The following SLC44A2 variants were observed in gnomAD, a reference collection of about 807,000 sequenced individuals.
SLC44A2 encodes the protein choline transporter-like protein 2.
A neutral mutation model predicts 90.8 loss-of-function variants in SLC44A2; 57 were observed. The observed-to-expected ratio is 0.63, with a 90% confidence interval of 0.51 to 0.78. The LOEUF (loss-of-function observed/expected upper bound fraction) is 0.78, where lower values mean the gene tolerates loss of function less well. Ranked by LOEUF, SLC44A2 falls within the 30% of genes least tolerant of loss-of-function variation. The pLI, the probability that SLC44A2 is intolerant of heterozygous loss-of-function variation, is 0.00. For missense variants in SLC44A2, 794 were observed against 919.7 expected (o/e 0.86, Z 1.77); for synonymous variants, 355 against 360.7 (o/e 0.98, Z 0.18).
chr19:10,628,796 C>T (rs1201124748), intron 4 of SLC44A2, among the ~76,000 whole-genome samples: 3 of 152,078 alleles, frequency 2.0e-5, no homozygotes, highest in African/African-American at 4.8e-5. Context: ...GCTCTGTGAC[C>T]TAGGGCAGGT....
At chr19:10,633,451 C>T (rs545921679) in intron 10 of SLC44A2, among the ~76,000 whole-genome samples, 4 of 151,768 alleles carry the variant, frequency 2.6e-5, no homozygotes, top group African/African-American at 7.2e-5. Flanking sequence ...TGAGCCACCG[C>T]GCCCAGCCTT....
intron 17 of SLC44A2, 26 bp from the exon 18 acceptor site, chr19:10,637,830 G>T: frequency 6.2e-7 from 1 of 1,614,012 alleles, no homozygotes; most frequent in Non-Finnish European, 8.5e-7. Flanking sequence ...CAGTGGGTCT[G>T]ATCTCTCCCT....
Position 10,644,452 on chromosome 19 carries a change from G to C in SLC44A2, c.*1067G>C, listed in dbSNP as rs1018236603. Reference sequence around the variant, plus strand: ...TCCTGGCCCCAGGGGAAAGAGGGGGGGGTCTCCCGTTTCCTGTGCCTGCAC... The same window carrying C: ...TCCTGGCCCCAGGGGAAAGAGGGGGCGGTCTCCCGTTTCCTGTGCCTGCAC... On this transcript the variant is annotated 3_prime_UTR_variant, in exon 22 of 22. Transcript: ENST00000335757. The C allele has an allele frequency of 6.5e-6, 1 of 153,156 alleles. No homozygotes were observed. Among genetic ancestry groups the C allele is most frequent in the Non-Finnish European group, 1.5e-5 (1 of 68,676 alleles). 9.5% of individuals were successfully genotyped at this position (153,156 alleles called of 1,614,324 possible). A position where few individuals can be genotyped will look rare whatever the true frequency, so the allele number is the denominator to read the frequency against.
chr19:10,632,262 C>T (rs577096095), intron 10 of SLC44A2, 106 bp downstream of exon 10: 15 of 996,626 alleles, frequency 1.5e-5, no homozygotes, highest in African/African-American at 4.8e-5. Context: ...TCAGGCCGGG[C>T]GTGGTGGCTC....
Position 10,635,534 on chromosome 19 carries a change from G to A in SLC44A2, c.1233+19G>A. On this transcript the variant is annotated intron_variant, in intron 14 of 21. Transcript: ENST00000335757. ...CCCAGAGGTGGGCGTCCCCGGGGTG[G>A]GGAGGGCAGGTATTGCCCCAGCAGG... 3.7e-6 allele frequency: 6 copies of A among 1,606,800 alleles called. No individual in the cohort carries two copies. Among genetic ancestry groups the A allele is most frequent in the Non-Finnish European group, 5.1e-6 (6 of 1,176,792 alleles).
At chr19:10,626,447 C>T (rs1311206084) in intron 2 of SLC44A2, 146 bp downstream of exon 2, 7 of 673,282 alleles carry the variant, frequency 1.0e-5, no homozygotes, top group Non-Finnish European at 1.8e-5. Flanking sequence ...CTTGCTCTGT[C>T]ACCAGGCTGG....
chr19:10,640,103 TTTTC>T (rs1311762660), intron 20 of SLC44A2, among the ~76,000 whole-genome samples: 3 of 99,882 alleles, frequency 3.0e-5, no homozygotes, highest in African/African-American at 4.5e-5. Context: ...TTTTTTTTTT[TTTTC>T]TGCGATAGAG....
chr19:10,634,073 C>T (rs2067025663), intron 10 of SLC44A2, among the ~76,000 whole-genome samples: 1 of 147,680 alleles, frequency 6.8e-6, no homozygotes, highest in Non-Finnish European at 1.5e-5. Context: ...CGGGTTCAAG[C>T]AATTCTCCTA....
rs1401107740 is a variant in SLC44A2, at chr19:10,636,547, G to T, written c.1458G>T (p.Pro486=). The T allele has an allele frequency of 6.2e-7, 1 of 1,608,030 alleles. No individual in the cohort carries two copies. Among genetic ancestry groups the T allele is most frequent in the Admixed American group, 1.7e-5 (1 of 59,934 alleles). The change falls in exon 15 of 22, where the codon CCG becomes CCT. Residue 486 remains proline (P), a synonymous_variant. Coordinates refer to ENST00000335757, the MANE Select transcript of SLC44A2 (RefSeq NM_020428.4). ...CCCTGCGCAAGCCGGACGACCTGCCGGCCTTCCCGCTCTTCTCTGCCTTTG... is the reference window on the plus strand; with the variant it reads ...CCCTGCGCAAGCCGGACGACCTGCCTGCCTTCCCGCTCTTCTCTGCCTTTG... ...YWALRKPDDL[P]AFPLFSAFGR...
chr19:10,613,694 G>A (rs2066831659), intron 1 of SLC44A2, among the ~76,000 whole-genome samples: 1 of 152,118 alleles, frequency 6.6e-6, no homozygotes, highest in Non-Finnish European at 1.5e-5. Context: ...AAGAAAAATG[G>A]AAGAGGGTGG....
Position 10,635,449 on chromosome 19 carries a change from C to A in SLC44A2, c.1167C>A (p.Asn389Lys). The A allele has an allele frequency of 1.2e-6, 2 of 1,614,142 alleles. No homozygotes were observed. Among genetic ancestry groups the A allele is most frequent in the Non-Finnish European group, 1.7e-6 (2 of 1,180,032 alleles). ...ASTAVFLSTS[N>K]EAVYKIFDDS... is the part of the protein sequence containing the mutation. ...CCTCCAGCTTCCTGTCCACTTCCAA[C>A]GAAGCGGTCTATAAGATCTTTGATG... The change falls in exon 14 of 22, where the codon AAC becomes AAA. Residue 389 changes from asparagine (N) to lysine (K), a missense_variant. Around this residue, in one of 3 missense-constraint regions of SLC44A2, gnomAD observed 738 missense variants for 841.1 expected, o/e 0.88. Coordinates refer to ENST00000335757, the MANE Select transcript of SLC44A2 (RefSeq NM_020428.4).
chr19:10,632,217 C>CA, intron 10 of SLC44A2, 61 bp downstream of exon 10: 1 of 1,467,298 alleles, frequency 6.8e-7, no homozygotes, highest in Non-Finnish European at 9.5e-7. Context: ...CTGCCCTTTC[C>CA]CGTGGAAATG....
rs1012351008 is a variant in SLC44A2 at position 10,635,428 on chromosome 19, C to T, written c.1149-3C>T. On this transcript the variant is annotated splice_region_variant and splice_polypyrimidine_tract_variant and intron_variant, in intron 13 of 21. Transcript: ENST00000335757. ...GACCTCTGCTTCCTTAACGAACCTC[C>T]AGCTTCCTGTCCACTTCCAACGAAG... is the stretch of plus-strand genomic sequence containing the variant. 3 of 1,614,124 alleles carry T rather than the reference C, an allele frequency of 1.9e-6. No individual in the cohort carries two copies. Among genetic ancestry groups the T allele is most frequent in the South Asian group, 2.2e-5 (2 of 91,082 alleles).
chr19:10,610,569 G>A (rs1342307743), intron 1 of SLC44A2, among the ~76,000 whole-genome samples: 3 of 146,702 alleles, frequency 2.0e-5, no homozygotes, highest in Non-Finnish European at 4.5e-5. Context: ...TCCTGACCTC[G>A]TGATCTGCCC....
At chr19:10,629,942 A>G (rs994509703) in intron 4 of SLC44A2, among the ~76,000 whole-genome samples, 1 of 151,864 alleles carries the variant, frequency 6.6e-6, no homozygotes, top group African/African-American at 2.4e-5. Context: ...TTTAGTACAG[A>G]CGGGGTTTCG....
chr19:10,620,742 T>C (rs181150965), upstream of SLC44A2, among the ~76,000 whole-genome samples: 8 of 152,206 alleles, frequency 5.3e-5, no homozygotes, highest in East Asian at 1.4e-3. Context: ...ACATGTCAGA[T>C]GGTGATAAGA....
chr19:10,628,650 T>C (rs945322484), intron 4 of SLC44A2, among the ~76,000 whole-genome samples: 1 of 152,186 alleles, frequency 6.6e-6, no homozygotes, highest in Non-Finnish European at 1.5e-5. Context: ...AATGAGATAG[T>C]AAGCATCCTG....
At chr19:10,609,994 CAG>C (rs1918236626) in intron 1 of SLC44A2, among the ~76,000 whole-genome samples, 1 of 151,248 alleles carries the variant, frequency 6.6e-6, no homozygotes, top group African/African-American at 2.4e-5. Context: ...TTAGTAGAGA[CAG>C]GGTTTCACTA....
chr19:10,615,395 G>A (rs1326617555), intron 1 of SLC44A2, among the ~76,000 whole-genome samples: 2 of 151,906 alleles, frequency 1.3e-5, no homozygotes, highest in Non-Finnish European at 2.9e-5. Flanking sequence ...CCAACATGGT[G>A]AAACCCCATT....
Sources: gnomAD v4.1 joint callset for allele counts (sites outside exome capture counted in the v4.1 genomes callset) on GRCh38, gnomAD v4.1.1 for gene constraint, gnomAD v4.1.1 regional missense constraint, MANE v1.5 for transcripts, NCBI Gene and HGNC (gene_info 2026-07-23, HGNC 2026-07-21) for gene names.